Variants in PTPRD observed in about 807,000 individuals in gnomAD.
The protein encoded by PTPRD is protein tyrosine phosphatase receptor type D.
A neutral mutation model predicts 214.5 loss-of-function variants in PTPRD; 34 were observed. The observed-to-expected ratio is 0.16, with a 90% CI of 0.12 to 0.21. The LOEUF is 0.21. PTPRD is among the 10% of genes least tolerant of loss of function. The pLI, the probability that PTPRD is intolerant of heterozygous loss-of-function variation, is 1.00. For missense variants in PTPRD, 2,545 were observed against 2,398.7 expected (o/e 1.06, Z -1.27); for synonymous variants, 1,128 against 845.7 (o/e 1.33, Z -5.79).
chr9:10,075,873 C>G (rs1439632150), intron 3 of PTPRD, among the ~76,000 whole-genome samples: 1 of 152,088 alleles, frequency 6.6e-6, no homozygotes, highest in East Asian at 1.9e-4. Flanking sequence ...GCTTCATCTT[C>G]TATAACGATA....
At chr9:9,566,628 C>T (rs1569569331) in intron 8 of PTPRD, among the ~76,000 whole-genome samples, 1 of 151,936 alleles carries the variant, frequency 6.6e-6, no homozygotes, top group Non-Finnish European at 1.5e-5. Context: ...AGGCTAAACA[C>T]TATAAAATAT....
chr9:10,356,387 A>G (rs1315702778), intron 2 of PTPRD, among the ~76,000 whole-genome samples: 1 of 152,190 alleles, frequency 6.6e-6, no homozygotes, highest in East Asian at 1.9e-4. Context: ...GGTTTGTTCT[A>G]TATACTCAAA....
intron 9 of PTPRD, among the ~76,000 whole-genome samples, chr9:9,362,457 T>C (rs12006209): frequency 0.027 from 4,075 of 151,304 alleles, 202 homozygotes; most frequent in African/African-American, 0.093. Flanking sequence ...TCAAGGATGA[T>C]ACAGTTCAAG....
chr9:8,599,000 T>TTG (rs1181203663), intron 14 of PTPRD, among the ~76,000 whole-genome samples: 1 of 152,184 alleles, frequency 6.6e-6, no homozygotes, highest in Admixed American at 6.5e-5. Flanking sequence ...TCACCTTGAA[T>TTG]TGTAGCTCCC....
At chr9:8,943,530 C>A (rs183283783) in intron 11 of PTPRD, among the ~76,000 whole-genome samples, 1 of 151,348 alleles carries the variant, frequency 6.6e-6, no homozygotes, top group African/African-American at 2.4e-5. Flanking sequence ...GTGGAAAGGA[C>A]AGTTTCTTCA....
At chr9:9,717,392 T>G (rs1356726401) in intron 7 of PTPRD, among the ~76,000 whole-genome samples, 1 of 152,198 alleles carries the variant, frequency 6.6e-6, no homozygotes, top group Non-Finnish European at 1.5e-5. Context: ...GTGAAGAAAG[T>G]CATTGGTAGC....
intron 11 of PTPRD, among the ~76,000 whole-genome samples, chr9:8,877,935 T>C (rs1207521169): frequency 6.6e-6 from 1 of 152,156 alleles, no homozygotes; most frequent in African/African-American, 2.4e-5. Context: ...AAAGTGTTGC[T>C]CATGACCCAC....
At chr9:9,401,287 C>T (rs7853891) in intron 8 of PTPRD, among the ~76,000 whole-genome samples, 34,744 of 151,968 alleles carry the variant, frequency 0.23, 4,219 homozygotes, top group South Asian at 0.32. Context: ...CATACACATA[C>T]GCACACATAT....
At chr9:10,087,459 T>G (rs1446609297) in intron 3 of PTPRD, among the ~76,000 whole-genome samples, 5 of 151,846 alleles carry the variant, frequency 3.3e-5, no homozygotes, top group African/African-American at 9.6e-5. Flanking sequence ...TTCTCAATAT[T>G]GATCCTTCAG....
chr9:10,131,806 G>C (rs1424832549), intron 3 of PTPRD, among the ~76,000 whole-genome samples: 1 of 152,128 alleles, frequency 6.6e-6, no homozygotes, highest in Non-Finnish European at 1.5e-5. Flanking sequence ...TGCAGTAAAG[G>C]TGGATTTGAT....
chr9:9,191,247 G>A (rs576837085), intron 9 of PTPRD, among the ~76,000 whole-genome samples: 25 of 152,158 alleles, frequency 1.6e-4, no homozygotes, highest in South Asian at 8.3e-4. Flanking sequence ...AATTTCTTTC[G>A]CTTACGACAG....
At chr9:9,241,325 G>A (rs541216340) in intron 9 of PTPRD, among the ~76,000 whole-genome samples, 179 of 152,156 alleles carry the variant, frequency 1.2e-3, no homozygotes, top group African/African-American at 3.8e-3. Context: ...CCAAAATTTG[G>A]AAATTATTTG....
chr9:9,053,253 G>A (rs911262390), intron 10 of PTPRD, among the ~76,000 whole-genome samples: 3 of 152,132 alleles, frequency 2.0e-5, no homozygotes, highest in African/African-American at 7.2e-5. Flanking sequence ...AGGGCTCAGA[G>A]TCCAAGTTTA....
intron 5 of PTPRD, among the ~76,000 whole-genome samples, chr9:9,806,476 C>T (rs1374264085): frequency 6.6e-6 from 1 of 152,098 alleles, no homozygotes. Flanking sequence ...CCTCCCCGCC[C>T]TTGTGAATGT....
chr9:10,604,969 G>A (rs1180879031), intron 2 of PTPRD, among the ~76,000 whole-genome samples: 1 of 151,722 alleles, frequency 6.6e-6, no homozygotes. Flanking sequence ...TTTTCAGGGG[G>A]AATAAAAAAG....
chr9:9,762,687 A>C (rs541046715), intron 6 of PTPRD, among the ~76,000 whole-genome samples: 1 of 152,366 alleles, frequency 6.6e-6, no homozygotes, highest in African/African-American at 2.4e-5. Context: ...TCATTTCTAC[A>C]TAAGACTTCA....
chr9:10,383,977 G>A (rs765501087), intron 2 of PTPRD, among the ~76,000 whole-genome samples: 3 of 151,212 alleles, frequency 2.0e-5, no homozygotes, highest in Non-Finnish European at 4.4e-5. Context: ...TCATTAAAGA[G>A]GGCAGGCACA....
intron 2 of PTPRD, among the ~76,000 whole-genome samples, chr9:10,470,252 T>C (rs1360121397): frequency 6.6e-6 from 1 of 151,924 alleles, no homozygotes; most frequent in Non-Finnish European, 1.5e-5. Context: ...AACTATTAGG[T>C]ATCCATAAAA....
intron 3 of PTPRD, among the ~76,000 whole-genome samples, chr9:10,210,626 G>A (rs2498594): frequency 1.5e-4 from 22 of 150,310 alleles, no homozygotes; most frequent in African/African-American, 5.1e-4. Flanking sequence ...ATGTTAACAT[G>A]TAATCTGTAT....
Sources: gnomAD v4.1 joint callset for allele counts (sites outside exome capture counted in the v4.1 genomes callset) on GRCh38, gnomAD v4.1.1 for gene constraint, MANE v1.5 for transcripts, NCBI Gene and HGNC (gene_info 2026-07-23, HGNC 2026-07-21) for gene names.